HTT: variants seen among roughly 807,000 people sequenced by gnomAD.
The protein encoded by HTT is huntington disease protein.
HTT carries 104 observed loss-of-function variants against 362.3 expected under a neutral mutation model. The ratio of observed to expected loss-of-function variants is 0.29; its 90% CI spans 0.24 to 0.34. HTT has a LOEUF of 0.34. HTT is among the 10% of genes least tolerant of loss of function. The probability of loss-of-function intolerance (pLI) is 1.00; values close to 1 mark genes in which losing one functional copy is unlikely to be tolerated. For synonymous variants in HTT, 1,577 were observed against 1,548.7 expected, an observed-to-expected ratio of 1.02 and a Z score of -0.43; for missense variants, 3,301 against 3,928.6, an observed-to-expected ratio of 0.84 and a Z score of 4.27.
chr4:3,207,009 T>A (rs1719888700), intron 44 of HTT, 26 bp downstream of exon 44: 2 of 1,581,468 alleles, frequency 1.3e-6, no homozygotes, highest in African/African-American at 1.4e-5. Flanking sequence ...ACCCTGATAT[T>A]GATTTATATT....
At chr4:3,179,169 G>C (rs145062440) in intron 35 of HTT, among the ~76,000 whole-genome samples, 3 of 152,326 alleles carry the variant, frequency 2.0e-5, no homozygotes, top group Admixed American at 1.3e-4. Context: ...TCGACTCAGC[G>C]TGTGTGCAGA....
intron 41 of HTT, among the ~76,000 whole-genome samples, 168 bp downstream of exon 41, chr4:3,200,107 A>T (rs1560590461): frequency 6.6e-6 from 1 of 152,224 alleles, no homozygotes; most frequent in Non-Finnish European, 1.5e-5. Context: ...ACAGCATATT[A>T]TTGGGACAAA....
intron 1 of HTT, among the ~76,000 whole-genome samples, chr4:3,080,331 G>A (rs1712825184): frequency 6.6e-6 from 1 of 151,480 alleles, no homozygotes; most frequent in Admixed American, 6.6e-5. Flanking sequence ...CTGACCTCAG[G>A]TGATCCACTC....
chr4:3,174,615 G>C (rs1718146796), intron 31 of HTT, 106 bp from the exon 32 acceptor site: 3 of 833,984 alleles, frequency 3.6e-6, no homozygotes, highest in East Asian at 5.2e-5. Flanking sequence ...GACACGTTCT[G>C]ATCGTGTGAA....
At chr4:3,126,541 G>A (rs1038865655) in intron 11 of HTT, among the ~76,000 whole-genome samples, 2 of 151,914 alleles carry the variant, frequency 1.3e-5, no homozygotes, top group Non-Finnish European at 2.9e-5. Context: ...AATTCTAGTA[G>A]TAATTATTTA....
At chr4:3,156,887 C>T (rs1295121179) in intron 27 of HTT, among the ~76,000 whole-genome samples, 185 bp from the exon 28 acceptor site, 1 of 152,202 alleles carries the variant, frequency 6.6e-6, no homozygotes, top group African/African-American at 2.4e-5. Context: ...TTAAAAAGTA[C>T]TTAGGCTCTA....
chr4:3,123,214 T>C lies in HTT; in HGVS notation c.1321+278T>C, dbSNP rs564642454. On this transcript the variant is annotated intron_variant, in intron 10 of 66. Transcript: ENST00000355072. ...CTAATGTTCGGGGTCAGCAGACTTT[T>C]TTTGTAAAGGGACAGAGTGTAAACA... The C allele has an allele frequency of 1.6e-5, 5 of 315,722 alleles. 1 individual carries two copies. Among genetic ancestry groups the C allele is most frequent in the African/African-American group, 1.1e-4 (5 of 46,700 alleles). 19.6% of individuals were successfully genotyped at this position (315,722 alleles called of 1,614,324 possible).
chr4:3,130,745 A>C (rs1369226135), intron 14 of HTT, among the ~76,000 whole-genome samples: 1 of 152,132 alleles, frequency 6.6e-6, no homozygotes, highest in Non-Finnish European at 1.5e-5. Flanking sequence ...GGTTCTACTG[A>C]ACTGTTCTAA....
At chr4:3,117,341 C>T (rs910401233) in intron 8 of HTT, among the ~76,000 whole-genome samples, 1 of 151,524 alleles carries the variant, frequency 6.6e-6, no homozygotes, top group Non-Finnish European at 1.5e-5. Flanking sequence ...TTTACCTTGC[C>T]TTGTTTTTTT....
At chr4:3,079,791 A>G (rs2110134784) in intron 1 of HTT, among the ~76,000 whole-genome samples, 1 of 152,336 alleles carries the variant, frequency 6.6e-6, no homozygotes, top group Non-Finnish European at 1.5e-5. Flanking sequence ...CGGCAAAAGC[A>G]GAAACCAGTT....
chr4:3,224,129 C>T lies in HTT; in HGVS notation c.7763C>T (p.Thr2588Ile), dbSNP rs1720800447. The T allele has an allele frequency of 1.2e-6, 2 of 1,613,836 alleles. No homozygotes were observed. The highest frequency in any genetic ancestry group is 2.7e-5 in the African/African-American group (2 of 74,912). Reference sequence around the variant, plus strand: ...GTCCCTTCTCTGTCTCCGGCTACTACAGGTACCTGAGGGAAAGGGTGCGGG... The same window carrying T: ...GTCCCTTCTCTGTCTCCGGCTACTATAGGTACCTGAGGGAAAGGGTGCGGG... ...DPVPSLSPAT[T>I]GALISHEKLL... Residue 2588 changes from threonine (T) to isoleucine (I), a missense_variant and splice_region_variant, in exon 56 of 67, where the codon ACA becomes ATA. Coordinates refer to ENST00000355072, the MANE Select transcript of HTT (RefSeq NM_001388492.1).
rs1357000835 is a variant in HTT, at chr4:3,132,835, A to G, written c.2417A>G (p.Asp806Gly). 1.9e-6 allele frequency: 3 copies of G among 1,614,152 alleles called. No homozygotes were observed. Among genetic ancestry groups the G allele is most frequent in the Non-Finnish European group, 2.5e-6 (3 of 1,179,982 alleles). ...TTAGGAAATACATTTTCTTTGGCGG[A>G]TTGCATTCCTTTGCTGCGGAAAACA... is the stretch of plus-strand genomic sequence containing the variant. ...TLTGNTFSLA[D>G]CIPLLRKTLK... Residue 806 changes from aspartate (D) to glycine (G), a missense_variant, in exon 18 of 67, where the codon GAT becomes GGT. Physicochemically the swap from Asp to Gly is moderately conservative, Grantham distance 94. Coordinates refer to ENST00000355072, the MANE Select transcript of HTT (RefSeq NM_001388492.1).
Position 3,236,236 on chromosome 4 carries a change from T to C in HTT, c.8873T>C (p.Val2958Ala), listed in dbSNP as rs979525748. 6.2e-7 allele frequency: 1 copy of C among 1,613,178 alleles called. No individual in the cohort carries two copies. The highest frequency in any genetic ancestry group is 8.5e-7 in the Non-Finnish European group (1 of 1,179,112). Residue 2958 changes from valine to alanine, a missense_variant, in exon 64 of 67, where the codon GTA (valine) becomes GCA (alanine). Val to Ala is a moderately conservative substitution (Grantham distance 64). Transcript: ENST00000355072. ...SESVIVAMER[V>A]SVLFDRIRKG... ...TCAGTGATTGTTGCTATGGAGCGGG[T>C]ATCTGTTCTTTTTGATAGGTAAGAA...
At chr4:3,157,787 C>T (rs139637273) in intron 28 of HTT, among the ~76,000 whole-genome samples, 4 of 151,374 alleles carry the variant, frequency 2.6e-5, no homozygotes, top group Non-Finnish European at 4.4e-5. Context: ...TTAAAATTTT[C>T]TGTTCATCTG....
In HTT at chr4:3,132,628, C is replaced by T. The variant is rs775289211; in HGVS notation, c.2303C>T (p.Thr768Ile). The T allele has an allele frequency of 6.2e-7, 1 of 1,613,922 alleles. No individual in the cohort carries two copies. The highest frequency in any genetic ancestry group is 8.5e-7 in the Non-Finnish European group (1 of 1,179,880). Residue 768 changes from threonine to isoleucine, a missense_variant, in exon 17 of 67, where the codon ACT (threonine) becomes ATT (isoleucine). Around this residue, in one of 4 missense-constraint regions of HTT, gnomAD observed 2,316 missense variants for 2,658.5 expected, o/e 0.87. Transcript: ENST00000355072. ...GGAGACCCACAGGTTCGAGGAGCCA[C>T]TGCCATTCTCTGTGGGACCCTCATC... ...DHGDPQVRGA[T>I]AILCGTLICS...
rs769223491 is a variant in HTT at position 3,115,366 on chromosome 4, G to A, written c.810G>A (p.Ala270=). The change falls in exon 7 of 67, where the codon GCG becomes GCA. Residue 270 remains alanine, a synonymous_variant. Coordinates refer to ENST00000355072, the MANE Select transcript of HTT (RefSeq NM_001388492.1). ...GCTCCCCCACCATTCGGCGGACAGCGGCTGGATCAGCAGTGAGCATCTGCC... is the reference window on the plus strand; with the variant it reads ...GCTCCCCCACCATTCGGCGGACAGCAGCTGGATCAGCAGTGAGCATCTGCC... ...KSSSPTIRRT[A]AGSAVSICQH... The A allele has an allele frequency of 1.1e-5, 17 of 1,613,904 alleles. No individual in the cohort carries two copies. Among genetic ancestry groups the A allele is most frequent in the South Asian group, 4.4e-5 (4 of 91,080 alleles).
At chr4:3,233,118 G>A (rs766217930) in intron 60 of HTT, 45 bp from the exon 61 acceptor site, 61 of 1,515,660 alleles carry the variant, frequency 4.0e-5, no homozygotes, top group Non-Finnish European at 4.9e-5. Flanking sequence ...CCACTGGGAC[G>A]TGAGCTCTGG....
Position 3,239,807 on chromosome 4 carries a change from C to T in HTT, c.9216-39C>T, listed in dbSNP as rs1721721388. The T allele has an allele frequency of 2.1e-6, 3 of 1,436,506 alleles. No homozygotes were observed. In the Admixed American group the frequency reaches 5.9e-5, roughly 28 times the overall value. 89.0% of individuals were successfully genotyped at this position (1,436,506 alleles called of 1,614,324 possible). A position where few individuals can be genotyped will look rare whatever the true frequency, so the allele number is the denominator to read the frequency against. On this transcript the variant is annotated intron_variant, in intron 66 of 66. Transcript: ENST00000355072. Reference sequence around the variant, plus strand: ...AGGTGAGGACAGGGAGGCAGCATTCCCCTCATTTGCCGGCCTTTTTCCTTA... The same window carrying T: ...AGGTGAGGACAGGGAGGCAGCATTCTCCTCATTTGCCGGCCTTTTTCCTTA...
At chr4:3,140,190 G>A (rs1716270359) in intron 21 of HTT, among the ~76,000 whole-genome samples, 1 of 151,856 alleles carries the variant, frequency 6.6e-6, no homozygotes, top group Non-Finnish European at 1.5e-5. Context: ...GAACCTGGAC[G>A]GCAGAGGTTG....
Sources: allele counts gnomAD v4.1 joint callset (sites outside exome capture counted in the v4.1 genomes callset), GRCh38; gene constraint gnomAD v4.1.1; regional missense constraint gnomAD v4.1.1; transcripts MANE v1.5; gene names NCBI Gene and HGNC (gene_info 2026-07-23, HGNC 2026-07-21).